NHLRC4: variants seen among roughly 807,000 people sequenced by gnomAD.
NHLRC4 encodes the protein NHL repeat containing 4.
For synonymous variants in NHLRC4, 73 were observed against 69.0 expected (o/e 1.06, Z -0.29); for missense variants, 158 against 155.4 (o/e 1.02, Z -0.09).
At position 568,277 on chromosome 16, in the gene NHLRC4, G is replaced by C; in HGVS notation, c.230G>C (p.Arg77Pro). The C allele has an allele frequency of 6.2e-7, 1 of 1,612,156 alleles. No individual in the cohort carries two copies. The highest frequency in any genetic ancestry group is 8.5e-7 in the Non-Finnish European group (1 of 1,179,624). Reference sequence around the variant, plus strand: ...AGGCGCCAGGTGACCCTGTTTCCCCGGGCTGGGCCACCCATCTGCCTGGTG... The same window carrying C: ...AGGCGCCAGGTGACCCTGTTTCCCCCGGCTGGGCCACCCATCTGCCTGGTG... The part of the protein sequence containing the change: ...EQRRQVTLFP[R>P]AGPPICLVSE... Residue 77 changes from arginine (R) to proline (P), a missense_variant, in exon 2 of 2, where the codon CGG becomes CCG. Transcript: ENST00000424439.
In NHLRC4 at chr16:568,039, C is replaced by T. The variant is rs1364697935; in HGVS notation, c.-9C>T. ...GGGTCCTGCTTGGGAGCCCCTGGCC[C>T]CAGCCTCCATGCTGGGTCTGGAGGG... is the stretch of plus-strand genomic sequence containing the variant. On this transcript the variant is annotated 5_prime_UTR_variant, in exon 2 of 2. Transcript: ENST00000424439. 1 of 1,512,842 alleles carries T rather than the reference C, an allele frequency of 6.6e-7. No homozygotes were observed. Among genetic ancestry groups the T allele is most frequent in the Admixed American group, 2.3e-5 (1 of 44,394 alleles). 93.7% of individuals were successfully genotyped at this position (1,512,842 alleles called of 1,614,324 possible). A position where few individuals can be genotyped will look rare whatever the true frequency, so the allele number is the denominator to read the frequency against.
In NHLRC4 at chr16:568,897, C is replaced by T. The variant is rs567292590; in HGVS notation, c.*478C>T. 37 of 165,642 alleles carry T rather than the reference C, an allele frequency of 2.2e-4. No individual in the cohort carries two copies. Among genetic ancestry groups the T allele is most frequent in the East Asian group, 3.8e-4 (2 of 5,320 alleles). The allele number at this position is 165,642 out of a possible 1,614,324, so 10.3% of individuals were successfully genotyped here. ...TGTGGCTGGGCTGGGCTGGGCGGGG[C>T]GGCCTGGGGCAGGGGTGTGGCCCCT... On this transcript the variant is annotated 3_prime_UTR_variant, in exon 2 of 2. Coordinates refer to ENST00000424439, the MANE Select transcript of NHLRC4 (RefSeq NM_001301159.2).
chr16:568,534 G>A lies in NHLRC4; in HGVS notation c.*115G>A. ...AGCCTCCAGGCTATGGGCATTGCCT[G>A]CCTGATGCCAGCACCACCTGGGCTG... On this transcript the variant is annotated 3_prime_UTR_variant, in exon 2 of 2. Coordinates refer to ENST00000424439, the MANE Select transcript of NHLRC4 (RefSeq NM_001301159.2). 1 of 1,199,080 alleles carries A rather than the reference G, an allele frequency of 8.3e-7. No homozygotes were observed. The highest frequency in any genetic ancestry group is 1.1e-6 in the Non-Finnish European group (1 of 872,292). The allele number at this position is 1,199,080 out of a possible 1,614,324, so 74.3% of individuals were successfully genotyped here.
Position 568,044 on chromosome 16 carries a change from C to T in NHLRC4, c.-4C>T. On this transcript the variant is annotated 5_prime_UTR_variant, in exon 2 of 2. Transcript: ENST00000424439. ...CTGCTTGGGAGCCCCTGGCCCCAGC[C>T]TCCATGCTGGGTCTGGAGGGCCCCT... 1 of 1,515,892 alleles carries T rather than the reference C, an allele frequency of 6.6e-7. No homozygotes were observed. The highest frequency in any genetic ancestry group is 8.8e-7 in the Non-Finnish European group (1 of 1,136,842). 93.9% of individuals were successfully genotyped at this position (1,515,892 alleles called of 1,614,324 possible).
At chr16:567,232 C>T (rs964011858) in intron 1 of NHLRC4, among the ~76,000 whole-genome samples, 157 bp downstream of exon 1, 1 of 152,142 alleles carries the variant, frequency 6.6e-6, no homozygotes, top group Admixed American at 6.5e-5. Flanking sequence ...GAAAGGGGTT[C>T]CACAGGCAGA....
chr16:567,435 A>G (rs75546591), intron 1 of NHLRC4, 36 bp from the exon 2 acceptor site: 2,004 of 154,278 alleles, frequency 0.013, 44 homozygotes, highest in African/African-American at 0.044. Flanking sequence ...TCATAGGAAG[A>G]AACTGGAGGA....
rs1252033624 is a variant in NHLRC4 at position 567,889 on chromosome 16, C to T, written c.-159C>T. On this transcript the variant is annotated 5_prime_UTR_variant, in exon 2 of 2. Transcript: ENST00000424439. ...TGTCCATGCACTCCAGCACACAGCCCGGGACCCCGGGGGCCACTGGGTGAC... is the reference window on the plus strand; with the variant it reads ...TGTCCATGCACTCCAGCACACAGCCTGGGACCCCGGGGGCCACTGGGTGAC... 9 of 752,072 alleles carry T rather than the reference C, an allele frequency of 1.2e-5. No homozygotes were observed. The highest frequency in any genetic ancestry group is 1.9e-5 in the South Asian group (1 of 52,018). The allele number at this position is 752,072 out of a possible 1,614,324, so 46.6% of individuals were successfully genotyped here.
rs549579095 is a variant in NHLRC4, at chr16:567,105, G to A, written c.-578+30G>A. 24 of 154,592 alleles carry A rather than the reference G, an allele frequency of 1.6e-4. No homozygotes were observed. In the South Asian group the frequency reaches 4.3e-3, roughly 28 times the overall value. 9.6% of individuals were successfully genotyped at this position (154,592 alleles called of 1,614,324 possible). A position where few individuals can be genotyped will look rare whatever the true frequency, so the allele number is the denominator to read the frequency against. ...GAGACCCCTCCCCCCGGCCTCTCTC[G>A]GTGGGGCAGGTGGAGGCCCTCGGAA... On this transcript the variant is annotated intron_variant, in intron 1 of 1. Coordinates refer to ENST00000424439, the MANE Select transcript of NHLRC4 (RefSeq NM_001301159.2).
Position 568,010 on chromosome 16 carries a change from C to T in NHLRC4, c.-38C>T, listed in dbSNP as rs369472680. 22 of 1,497,996 alleles carry T rather than the reference C, an allele frequency of 1.5e-5. No homozygotes were observed. The highest frequency in any genetic ancestry group is 7.0e-5 in the African/African-American group (5 of 71,466). The allele number at this position is 1,497,996 out of a possible 1,614,324, so 92.8% of individuals were successfully genotyped here. ...TTGCCTGGGGCTGTGCACAGCTTCT[C>T]GTTGGGTCCTGCTTGGGAGCCCCTG... On this transcript the variant is annotated 5_prime_UTR_variant, in exon 2 of 2. Transcript: ENST00000424439.
At position 568,657 on chromosome 16, in the gene NHLRC4, C is replaced by T; in HGVS notation, c.*238C>T. 1.8e-6 allele frequency: 1 copy of T among 570,080 alleles called. No individual in the cohort carries two copies. The highest frequency in any genetic ancestry group is 3.1e-6 in the Non-Finnish European group (1 of 318,506). 35.3% of individuals were successfully genotyped at this position (570,080 alleles called of 1,614,324 possible). A position where few individuals can be genotyped will look rare whatever the true frequency, so the allele number is the denominator to read the frequency against. ...CAGGCTGCCCCTGCCAGGCCTGCAG[C>T]CTCCCCAGCCAGGGCTGCTCTCTGC... On this transcript the variant is annotated 3_prime_UTR_variant, in exon 2 of 2. Transcript: ENST00000424439.
rs2035556814 is a variant in NHLRC4, at chr16:567,869, A to G, written c.-179A>G. ...AGCGATCCCATCCATGGGGCTGTCC[A>G]TGCACTCCAGCACACAGCCCGGGAC... is the stretch of plus-strand genomic sequence containing the variant. On this transcript the variant is annotated 5_prime_UTR_variant, in exon 2 of 2. An upstream start codon of the reference 5' UTR is lost. Transcript: ENST00000424439. The G allele has an allele frequency of 1.6e-6, 1 of 622,688 alleles. No homozygotes were observed. Among genetic ancestry groups the G allele is most frequent in the Non-Finnish European group, 2.7e-6 (1 of 369,084 alleles). 38.6% of individuals were successfully genotyped at this position (622,688 alleles called of 1,614,324 possible).
chr16:567,119 A>C (rs1294887716), intron 1 of NHLRC4, 44 bp downstream of exon 1: 1 of 149,036 alleles, frequency 6.7e-6, no homozygotes, highest in Non-Finnish European at 1.5e-5. Flanking sequence ...GGGCAGGTGG[A>C]GGCCCTCGGA....
In NHLRC4 at chr16:568,180, G is replaced by C. The variant is rs2035563192; in HGVS notation, c.133G>C (p.Gly45Arg). ...QPLGSLGGWT[G>R]HTFGCPAGIC... The stretch of plus-strand genomic sequence containing the variant: ...CCTGGGCTCCCTGGGGGGCTGGACG[G>C]GGCACACTTTCGGCTGCCCAGCGGG... Residue 45 changes from glycine to arginine, a missense_variant, in exon 2 of 2, where the codon GGG becomes CGG. Coordinates refer to ENST00000424439, the MANE Select transcript of NHLRC4 (RefSeq NM_001301159.2). 5 of 1,611,576 alleles carry C rather than the reference G, an allele frequency of 3.1e-6. No homozygotes were observed. Among genetic ancestry groups the C allele is most frequent in the Non-Finnish European group, 4.2e-6 (5 of 1,179,402 alleles).
In NHLRC4 at chr16:567,916, G is replaced by T. The variant is rs1384750468; in HGVS notation, c.-132G>T. 3 of 991,270 alleles carry T rather than the reference G, an allele frequency of 3.0e-6. No individual in the cohort carries two copies. The highest frequency in any genetic ancestry group is 4.3e-6 in the Non-Finnish European group (3 of 695,902). 61.4% of individuals were successfully genotyped at this position (991,270 alleles called of 1,614,324 possible). On this transcript the variant is annotated 5_prime_UTR_variant, in exon 2 of 2. Transcript: ENST00000424439. ...GGACCCCGGGGGCCACTGGGTGACAGTGGGCACCTTCCTGTCTCCCCGAGG... is the reference window on the plus strand; with the variant it reads ...GGACCCCGGGGGCCACTGGGTGACATTGGGCACCTTCCTGTCTCCCCGAGG...
Position 568,542 on chromosome 16 carries a change from C to G in NHLRC4, c.*123C>G. 1 of 1,104,558 alleles carries G rather than the reference C, an allele frequency of 9.1e-7. No individual in the cohort carries two copies. Among genetic ancestry groups the G allele is most frequent in the South Asian group, 1.7e-5 (1 of 60,268 alleles). 68.4% of individuals were successfully genotyped at this position (1,104,558 alleles called of 1,614,324 possible). A position where few individuals can be genotyped will look rare whatever the true frequency, so the allele number is the denominator to read the frequency against. ...GGCTATGGGCATTGCCTGCCTGATG[C>G]CAGCACCACCTGGGCTGGGCCCTGG... On this transcript the variant is annotated 3_prime_UTR_variant, in exon 2 of 2. Coordinates refer to ENST00000424439, the MANE Select transcript of NHLRC4 (RefSeq NM_001301159.2).
Position 568,140 on chromosome 16 carries a change from C to G in NHLRC4, c.93C>G (p.Gly31=). ...SEEFGDVRLF[G]SARQPLGSLG... ...AGTTTGGGGATGTGAGGCTGTTTGGCAGTGCCCGCCAACCCCTGGGCTCCC... is the reference window on the plus strand; with the variant it reads ...AGTTTGGGGATGTGAGGCTGTTTGGGAGTGCCCGCCAACCCCTGGGCTCCC... Residue 31 remains glycine, a synonymous_variant, in exon 2 of 2, where the codon GGC becomes GGG. Transcript: ENST00000424439. The G allele has an allele frequency of 6.2e-7, 1 of 1,605,676 alleles. No homozygotes were observed. The highest frequency in any genetic ancestry group is 8.5e-7 in the Non-Finnish European group (1 of 1,176,318).
In NHLRC4 at chr16:567,620, G is replaced by A. The variant is rs868172931; in HGVS notation, c.-428G>A. The stretch of plus-strand genomic sequence containing the variant: ...GACTCCACGGGCTCCCGGCAGCTCC[G>A]GCTGCTTGGGTGGATCCGGGTGCCC... On this transcript the variant is annotated 5_prime_UTR_variant, in exon 2 of 2. Coordinates refer to ENST00000424439, the MANE Select transcript of NHLRC4 (RefSeq NM_001301159.2). The A allele has an allele frequency of 1.7e-4, 29 of 171,576 alleles. No individual in the cohort carries two copies. In the Middle Eastern group the frequency reaches 6.0e-3, roughly 36 times the overall value. 10.6% of individuals were successfully genotyped at this position (171,576 alleles called of 1,614,324 possible). A position where few individuals can be genotyped will look rare whatever the true frequency, so the allele number is the denominator to read the frequency against.
chr16:567,935 C>A lies in NHLRC4; in HGVS notation c.-113C>A. 1 of 1,195,850 alleles carries A rather than the reference C, an allele frequency of 8.4e-7. No individual in the cohort carries two copies. The highest frequency in any genetic ancestry group is 1.1e-6 in the Non-Finnish European group (1 of 881,126). 74.1% of individuals were successfully genotyped at this position (1,195,850 alleles called of 1,614,324 possible). The stretch of plus-strand genomic sequence containing the variant: ...GTGACAGTGGGCACCTTCCTGTCTC[C>A]CCGAGGGCTGGCTGTGGATGCCCTC... On this transcript the variant is annotated 5_prime_UTR_variant, in exon 2 of 2. Coordinates refer to ENST00000424439, the MANE Select transcript of NHLRC4 (RefSeq NM_001301159.2).
chr16:568,245 C>A lies in NHLRC4; in HGVS notation c.198C>A (p.Asp66Glu). Residue 66 changes from aspartate to glutamate, a missense_variant, in exon 2 of 2, where the codon GAC (aspartate) becomes GAA (glutamate). Coordinates refer to ENST00000424439, the MANE Select transcript of NHLRC4 (RefSeq NM_001301159.2). ...CAGAGGGCAATGTTATTGTGGCAGA[C>A]GAGCAGAGGCGCCAGGTGACCCTGT... ...SNSEGNVIVADEQRRQVTLFP... is the reference protein window; with the variant it reads ...SNSEGNVIVAEEQRRQVTLFP... 2 of 1,612,268 alleles carry A rather than the reference C, an allele frequency of 1.2e-6. No homozygotes were observed. Among genetic ancestry groups the A allele is most frequent in the Non-Finnish European group, 1.7e-6 (2 of 1,179,658 alleles).
Sources: allele counts gnomAD v4.1 joint callset (sites outside exome capture counted in the v4.1 genomes callset), GRCh38; gene constraint gnomAD v4.1.1; transcripts MANE v1.5; gene names NCBI Gene and HGNC (gene_info 2026-07-23, HGNC 2026-07-21).